Variants in ECT2L observed in about 807,000 individuals in gnomAD.
ECT2L encodes the protein epithelial cell transforming 2 like.
Under a neutral mutation model 122.8 loss-of-function variants are expected in ECT2L, and 126 were observed. That is an observed-to-expected ratio of 1.03 (90% CI 0.89 to 1.19). The LOEUF (loss-of-function observed/expected upper bound fraction) is 1.19. ECT2L is among the 50% of genes most tolerant of loss of function. The pLI, the probability that ECT2L is intolerant of heterozygous loss-of-function variation, is 0.00. For missense variants in ECT2L, 1,012 were observed against 1,064.1 expected (o/e 0.95, Z 0.68); for synonymous variants, 385 against 381.8 (o/e 1.01, Z -0.10).
intron 20 of ECT2L, among the ~76,000 whole-genome samples, chr6:138,891,994 T>G (rs183877781): frequency 6.6e-6 from 1 of 152,222 alleles, no homozygotes; most frequent in African/African-American, 2.4e-5. Context: ...GTCAGTAATT[T>G]TGTAAAATCT....
In ECT2L at chr6:138,845,489, C is replaced by T. The variant is rs6901284; in HGVS notation, c.764+909C>T. 2.1e-3 allele frequency among the ~76,000 whole-genome samples: 325 copies of T among 152,264 alleles called. 1 individual carries two copies. Among genetic ancestry groups the T allele is most frequent in the African/African-American group, 7.0e-3 (291 of 41,574 alleles). ...AAACTCCTGACCTCAGGTGATCCAC[C>T]GGCCTTGGCCTCCCAAAGTGCTGGG... On this transcript the variant is annotated intron_variant, in intron 7 of 21. Coordinates refer to ENST00000541398, the MANE Select transcript of ECT2L (RefSeq NM_001077706.3).
chr6:138,879,750 C>T (rs4896416), intron 14 of ECT2L, among the ~76,000 whole-genome samples: 2,145 of 152,038 alleles, frequency 0.014, 32 homozygotes, highest in Admixed American at 0.045. Flanking sequence ...GTCAAGAGAT[C>T]GAGAACATTC....
chr6:138,833,061 A>G (rs1056893572), intron 4 of ECT2L, among the ~76,000 whole-genome samples: 4 of 152,166 alleles, frequency 2.6e-5, no homozygotes, highest in African/African-American at 7.2e-5. Context: ...TCAAACGCCA[A>G]TAAAACATTG....
At chr6:138,888,842 T>G (rs1778919277) in intron 19 of ECT2L, 101 bp from the exon 20 acceptor site, 1 of 418,190 alleles carries the variant, frequency 2.4e-6, no homozygotes, top group South Asian at 7.7e-5. Flanking sequence ...GAACTGTGTT[T>G]TAGTTAACAT....
chr6:138,888,453 G>A (rs774673378), intron 19 of ECT2L, among the ~76,000 whole-genome samples: 5 of 148,442 alleles, frequency 3.4e-5, no homozygotes, highest in Admixed American at 1.4e-4. Context: ...TAGGACTACC[G>A]GCATGCACCA....
intron 10 of ECT2L, among the ~76,000 whole-genome samples, chr6:138,858,027 G>A (rs1204473116): frequency 6.6e-6 from 1 of 152,146 alleles, no homozygotes; most frequent in African/African-American, 2.4e-5. Flanking sequence ...TCGCTCTCAC[G>A]AGAAGAGGAT....
intron 10 of ECT2L, among the ~76,000 whole-genome samples, chr6:138,862,369 G>A (rs1057463858): frequency 1.1e-4 from 17 of 152,078 alleles, no homozygotes; most frequent in Non-Finnish European, 2.1e-4. Flanking sequence ...GCAGGAACAA[G>A]AGAGAGGGAG....
intron 4 of ECT2L, among the ~76,000 whole-genome samples, chr6:138,816,159 A>G (rs539561839): frequency 6.6e-6 from 1 of 152,318 alleles, no homozygotes; most frequent in East Asian, 1.9e-4. Context: ...AACAGACCAG[A>G]CCTCACATTT....
intron 21 of ECT2L, among the ~76,000 whole-genome samples, chr6:138,902,088 T>C (rs920433288): frequency 2.0e-5 from 3 of 152,242 alleles, no homozygotes; most frequent in Non-Finnish European, 4.4e-5. Flanking sequence ...AGTAACCTAA[T>C]AGACAGTGGG....
intron 4 of ECT2L, among the ~76,000 whole-genome samples, chr6:138,828,398 C>T (rs963683216): frequency 1.3e-5 from 2 of 152,170 alleles, no homozygotes; most frequent in Admixed American, 6.5e-5. Context: ...CCACAGTCTG[C>T]ATTTTGCTGA....
chr6:138,884,555 T>C (rs932437367), intron 16 of ECT2L, among the ~76,000 whole-genome samples: 1 of 152,100 alleles, frequency 6.6e-6, no homozygotes, highest in Admixed American at 6.5e-5. Flanking sequence ...GGAGAATCGC[T>C]TGAACCTGGG....
intron 1 of ECT2L, among the ~76,000 whole-genome samples, chr6:138,801,625 T>G (rs1775545558): frequency 6.6e-6 from 1 of 152,120 alleles, no homozygotes; most frequent in African/African-American, 2.4e-5. Context: ...CATGGTGGCA[T>G]GCACCTGTAA....
At position 138,885,477 on chromosome 6, in the gene ECT2L, G is replaced by A. The variant is rs781189963; in HGVS notation, c.2029-29G>A. 9.3e-6 allele frequency: 15 copies of A among 1,610,722 alleles called. No individual in the cohort carries two copies. In the Admixed American group the frequency reaches 1.8e-4, roughly 20 times the overall value. ...GTGGACTTTACAACTATCTCATAAA[G>A]TTTTGACAATATAATCCTCACCTTT... On this transcript the variant is annotated intron_variant, in intron 16 of 21. Transcript: ENST00000541398.
intron 16 of ECT2L, among the ~76,000 whole-genome samples, chr6:138,884,007 G>C (rs2128408404): frequency 6.6e-6 from 1 of 152,222 alleles, no homozygotes; most frequent in Admixed American, 6.5e-5. Context: ...AGGACTACAG[G>C]CATGTGCCAC....
chr6:138,860,244 T>C (rs1777776264), intron 10 of ECT2L, among the ~76,000 whole-genome samples: 1 of 152,216 alleles, frequency 6.6e-6, no homozygotes, highest in Non-Finnish European at 1.5e-5. Flanking sequence ...TTTTCTCCTA[T>C]GTTTTTTCTA....
At chr6:138,819,474 CTTGT>C (rs1240846158) in intron 4 of ECT2L, among the ~76,000 whole-genome samples, 2 of 152,054 alleles carry the variant, frequency 1.3e-5, no homozygotes, top group South Asian at 2.1e-4. Flanking sequence ...ACATGCAGGA[CTTGT>C]TTATTTGCTG....
intron 4 of ECT2L, among the ~76,000 whole-genome samples, chr6:138,833,401 T>C (rs1776716567): frequency 1.3e-5 from 2 of 152,208 alleles, no homozygotes; most frequent in South Asian, 4.1e-4. Flanking sequence ...ATCATTGTTT[T>C]AGGAAAAACC....
intron 4 of ECT2L, among the ~76,000 whole-genome samples, chr6:138,824,711 C>A (rs1347612173): frequency 6.6e-6 from 1 of 152,064 alleles, no homozygotes; most frequent in Non-Finnish European, 1.5e-5. Flanking sequence ...CCCATAGGGA[C>A]GTGTTTGGGC....
At chr6:138,890,551 A>T (rs1195049256) in intron 20 of ECT2L, among the ~76,000 whole-genome samples, 1 of 136,342 alleles carries the variant, frequency 7.3e-6, no homozygotes, top group Non-Finnish European at 1.5e-5. Context: ...AGCTACAATG[A>T]TGGAAAGAAA....
Sources: allele counts gnomAD v4.1 joint callset (sites outside exome capture counted in the v4.1 genomes callset), GRCh38; gene constraint gnomAD v4.1.1; transcripts MANE v1.5; gene names NCBI Gene and HGNC (gene_info 2026-07-23, HGNC 2026-07-21).